Variants in RIN2 observed in about 807,000 individuals in gnomAD.
RIN2 encodes Ras and Rab interactor 2.
RIN2 carries 36 observed loss-of-function variants against 78.0 expected under a neutral mutation model. That is an observed-to-expected ratio of 0.46 (90% CI 0.35 to 0.61). The LOEUF (loss-of-function observed/expected upper bound fraction) is 0.61, where lower values mean the gene tolerates loss of function less well. RIN2 is among the 20% of genes least tolerant of loss of function. The pLI, the probability that RIN2 is intolerant of heterozygous loss-of-function variation, is 0.00. For missense variants in RIN2, 1,087 were observed against 1,159.7 expected, an observed-to-expected ratio of 0.94 and a Z score of 0.91; for synonymous variants, 466 against 466.8, an observed-to-expected ratio of 1.00 and a Z score of 0.02.
intron 3 of RIN2, among the ~76,000 whole-genome samples, chr20:19,902,806 A>G (rs555772366): frequency 7.9e-5 from 12 of 152,300 alleles, no homozygotes; most frequent in African/African-American, 2.6e-4. Flanking sequence ...TCAAAAATTT[A>G]AATTTGGCCG....
intron 2 of RIN2, among the ~76,000 whole-genome samples, chr20:19,885,325 C>T (rs114269680): frequency 0.012 from 1,828 of 152,222 alleles, 45 homozygotes; most frequent in African/African-American, 0.041. Flanking sequence ...GTCCAAGAGC[C>T]GTATTGTGCA....
intron 3 of RIN2, among the ~76,000 whole-genome samples, chr20:19,929,061 G>C (rs1452355193): frequency 2.6e-5 from 4 of 152,142 alleles, no homozygotes; most frequent in Non-Finnish European, 5.9e-5. Context: ...TAAGAACCAT[G>C]GTCTCACCAA....
At chr20:19,844,651 CTTCTT>C (rs2036701867) in intron 2 of RIN2, among the ~76,000 whole-genome samples, 1 of 106,522 alleles carries the variant, frequency 9.4e-6, no homozygotes, top group African/African-American at 3.2e-5. Context: ...TCTTCTTCTT[CTTCTT>C]CTTCTTCTTC....
At chr20:19,938,386 T>C (rs79393307) in intron 4 of RIN2, among the ~76,000 whole-genome samples, 1 of 144,076 alleles carries the variant, frequency 6.9e-6, no homozygotes, top group Non-Finnish European at 1.5e-5. Flanking sequence ...ACCCAGCTAA[T>C]TTTTTTTTTT....
At chr20:19,869,402 G>A (rs889598083) in intron 2 of RIN2, among the ~76,000 whole-genome samples, 4 of 152,090 alleles carry the variant, frequency 2.6e-5, no homozygotes, top group South Asian at 2.1e-4. Flanking sequence ...GTGGGGAGAC[G>A]AAGCCACGTC....
At chr20:19,853,066 T>G (rs1171739552) in intron 2 of RIN2, among the ~76,000 whole-genome samples, 1 of 131,424 alleles carries the variant, frequency 7.6e-6, no homozygotes, top group Non-Finnish European at 1.5e-5. Flanking sequence ...CAGTGTGTGA[T>G]GTTCCCCTTC....
At position 19,995,692 on chromosome 20, in the gene RIN2, G is replaced by C. The variant is rs575423648; in HGVS notation, c.2201-987G>C. ...TTATGTTAGTCCCAAAGGAAGGGGGGGGTAAGAAAGGGAATCAAGGGAGAG... is the reference window on the plus strand; with the variant it reads ...TTATGTTAGTCCCAAAGGAAGGGGGCGGTAAGAAAGGGAATCAAGGGAGAG... On this transcript the variant is annotated intron_variant, in intron 11 of 12. Transcript: ENST00000255006. 5.9e-5 allele frequency among the ~76,000 whole-genome samples: 9 copies of C among 152,236 alleles called. No homozygotes were observed. In the South Asian group the frequency reaches 1.5e-3, roughly 25 times the overall value.
At chr20:19,958,484 C>A (rs910906151) in intron 5 of RIN2, among the ~76,000 whole-genome samples, 2 of 152,278 alleles carry the variant, frequency 1.3e-5, no homozygotes, top group Non-Finnish European at 2.9e-5. Context: ...CATCCACCTG[C>A]CTGATCCCTG....
At chr20:19,810,155 T>G (rs2035542116) in intron 2 of RIN2, among the ~76,000 whole-genome samples, 1 of 151,754 alleles carries the variant, frequency 6.6e-6, no homozygotes, top group African/African-American at 2.4e-5. Context: ...TGCCAGCACT[T>G]TGGGAGGCCA....
rs1370255430 is a variant in RIN2 at position 19,975,978 on chromosome 20, C to T, written c.1762+191C>T. Among the ~76,000 whole-genome samples the T allele has an allele frequency of 6.6e-6, 1 of 152,118 alleles. No individual in the cohort carries two copies. The highest frequency in any genetic ancestry group is 2.4e-5 in the African/African-American group (1 of 41,414). On this transcript the variant is annotated intron_variant, in intron 9 of 12. Transcript: ENST00000255006. This position sits in a 1 kb window ranked among gnomAD's most constrained non-coding sequence, Gnocchi z 4.9. ...TGACTGCCAGACTCAAAAATGTCTT[C>T]GGGAGTGACAGATTGGAGCTGCACA... is the stretch of plus-strand genomic sequence containing the variant.
At chr20:19,956,212 C>G (rs544545398) in intron 4 of RIN2, among the ~76,000 whole-genome samples, 83 of 143,140 alleles carry the variant, frequency 5.8e-4, no homozygotes, top group Admixed American at 3.4e-3. Flanking sequence ...GAGCCCAGAT[C>G]GCGCCACTGC....
intron 2 of RIN2, among the ~76,000 whole-genome samples, chr20:19,862,593 A>AAAACAAAC (rs58548710): frequency 2.3e-3 from 346 of 152,036 alleles, no homozygotes; most frequent in African/African-American, 7.8e-3. Context: ...ACTCCGTCTC[A>AAAACAAAC]AAACAAACAA....
At chr20:19,896,929 A>G (rs1017511499) in intron 3 of RIN2, among the ~76,000 whole-genome samples, 15 of 152,236 alleles carry the variant, frequency 9.9e-5, no homozygotes, top group Admixed American at 9.2e-4. Context: ...CACATGATAG[A>G]TATAAAAAAG....
At position 19,859,463 on chromosome 20, in the gene RIN2, A is replaced by G. The variant is rs563064258; in HGVS notation, c.-36-30103A>G. On this transcript the variant is annotated intron_variant, in intron 2 of 12. Coordinates refer to ENST00000255006, the MANE Select transcript of RIN2 (RefSeq NM_018993.4). ...ATGCCAATTTCCCCATTTTCCTCCC[A>G]TTTCTTTGGCTCTTCCTTCTGGTTG... Among the ~76,000 whole-genome samples the G allele has an allele frequency of 5.0e-4, 76 of 152,274 alleles. 1 individual carries two copies. Among genetic ancestry groups the G allele is most frequent in the African/African-American group, 1.7e-3 (72 of 41,550 alleles).
At chr20:19,839,909 C>T (rs1191813696) in intron 2 of RIN2, among the ~76,000 whole-genome samples, 2 of 152,134 alleles carry the variant, frequency 1.3e-5, no homozygotes, top group Non-Finnish European at 2.9e-5. Context: ...TTGAAACCCG[C>T]CTTTCCTGCA....
intron 2 of RIN2, among the ~76,000 whole-genome samples, chr20:19,856,501 C>A (rs2037171171): frequency 6.7e-6 from 1 of 148,852 alleles, no homozygotes. Context: ...TCACTGTACT[C>A]CAGGCTGGGA....
intron 2 of RIN2, among the ~76,000 whole-genome samples, chr20:19,836,742 T>C (rs952032924): frequency 1.3e-5 from 2 of 152,226 alleles, no homozygotes; most frequent in African/African-American, 2.4e-5. Flanking sequence ...AGGAAGATAA[T>C]GAGTTTCTGT....
At chr20:19,851,980 G>A (rs1336544612) in intron 2 of RIN2, among the ~76,000 whole-genome samples, 2 of 152,158 alleles carry the variant, frequency 1.3e-5, no homozygotes, top group Non-Finnish European at 2.9e-5. Context: ...TTGGCTGCAA[G>A]TCGTGGATTG....
chr20:19,997,932 G>A (rs1416749728), intron 12 of RIN2, among the ~76,000 whole-genome samples: 2 of 151,840 alleles, frequency 1.3e-5, no homozygotes, highest in African/African-American at 4.8e-5. Flanking sequence ...TCCAAGCAGG[G>A]ATGTGGAAAG....
Sources: allele counts gnomAD v4.1 joint callset (sites outside exome capture counted in the v4.1 genomes callset), GRCh38; gene constraint gnomAD v4.1.1; non-coding constraint Gnocchi (gnomAD v3.1); transcripts MANE v1.5; gene names NCBI Gene and HGNC (gene_info 2026-07-23, HGNC 2026-07-21).